The following DENND1B variants were observed in gnomAD, a reference collection of about 807,000 sequenced individuals.
The protein encoded by DENND1B is DENN domain-containing protein 1B.
DENND1B carries 59 observed loss-of-function variants against 90.1 expected under a neutral mutation model. That is an observed-to-expected ratio of 0.65 (90% CI 0.53 to 0.81). The LOEUF (loss-of-function observed/expected upper bound fraction) is 0.81, where lower values mean the gene tolerates loss of function less well. Ranked by LOEUF, DENND1B falls within the 40% of genes least tolerant of loss-of-function variation. The pLI is 0.00. For synonymous variants in DENND1B, 337 were observed against 324.6 expected (o/e 1.04, Z -0.41); for missense variants, 862 against 912.6 (o/e 0.94, Z 0.71).
chr1:197,714,647 C>A (rs555849351), intron 3 of DENND1B, among the ~76,000 whole-genome samples: 3 of 152,196 alleles, frequency 2.0e-5, no homozygotes, highest in African/African-American at 7.2e-5. Flanking sequence ...TTATTTATGG[C>A]AGTAACGCTT....
intron 3 of DENND1B, among the ~76,000 whole-genome samples, chr1:197,680,543 C>T (rs1448544213): frequency 6.6e-6 from 1 of 151,900 alleles, no homozygotes; most frequent in African/African-American, 2.4e-5. Context: ...TATGTGCTAT[C>T]GAGAGTAAAG....
At chr1:197,666,941 C>T (rs1654999677) in intron 5 of DENND1B, among the ~76,000 whole-genome samples, 1 of 152,090 alleles carries the variant, frequency 6.6e-6, no homozygotes, top group South Asian at 2.1e-4. Context: ...TGAGACCATC[C>T]TGGCCAACAT....
intron 2 of DENND1B, among the ~76,000 whole-genome samples, chr1:197,770,043 G>A (rs1345138400): frequency 6.6e-6 from 1 of 151,966 alleles, no homozygotes; most frequent in African/African-American, 2.4e-5. Context: ...TATAGTTACT[G>A]ATTATAGTTA....
chr1:197,552,939 A>G (rs956608800), intron 16 of DENND1B, 83 bp downstream of exon 16: 1 of 1,535,044 alleles, frequency 6.5e-7, no homozygotes, highest in Non-Finnish European at 8.7e-7. Context: ...TTGTTTATGA[A>G]ATAGGTTTTA....
intron 15 of DENND1B, among the ~76,000 whole-genome samples, chr1:197,562,278 T>G (rs1353464582): frequency 6.6e-6 from 1 of 151,930 alleles, no homozygotes; most frequent in Non-Finnish European, 1.5e-5. Flanking sequence ...CATATCTCAT[T>G]TAATTGAACT....
chr1:197,746,970 A>G, intron 2 of DENND1B: 1 of 1,115,626 alleles, frequency 9.0e-7, no homozygotes, highest in East Asian at 2.4e-5. Flanking sequence ...ACCCCTCCAC[A>G]GCCTGGTCTA....
At chr1:197,540,917 A>G in intron 19 of DENND1B, 42 bp downstream of exon 19, 3 of 1,560,530 alleles carry the variant, frequency 1.9e-6, no homozygotes, top group Non-Finnish European at 2.6e-6. Flanking sequence ...TCAAACTAAT[A>G]CAAGAATCAA....
At chr1:197,679,810 T>G (rs1305037557) in intron 3 of DENND1B, among the ~76,000 whole-genome samples, 10 of 22,984 alleles carry the variant, frequency 4.4e-4, no homozygotes, top group African/African-American at 7.7e-4. Context: ...CAAGGGTTGT[T>G]TTTTTTTTTT....
At chr1:197,592,204 A>T (rs1258545725) in intron 14 of DENND1B, among the ~76,000 whole-genome samples, 2 of 151,984 alleles carry the variant, frequency 1.3e-5, no homozygotes. Context: ...TGAAAAAAAC[A>T]GATTCAAACC....
intron 2 of DENND1B, among the ~76,000 whole-genome samples, chr1:197,739,367 C>A (rs866706761): frequency 6.6e-6 from 1 of 152,086 alleles, no homozygotes; most frequent in Admixed American, 6.6e-5. Context: ...GGGACATATA[C>A]GAGAAGAAAT....
chr1:197,588,889 A>G (rs1483580394), intron 14 of DENND1B, among the ~76,000 whole-genome samples: 1 of 152,134 alleles, frequency 6.6e-6, no homozygotes, highest in Non-Finnish European at 1.5e-5. Flanking sequence ...ATAAAGTTTA[A>G]TCATCAGCAT....
intron 2 of DENND1B, among the ~76,000 whole-genome samples, chr1:197,743,327 T>C (rs755404054): frequency 6.6e-6 from 1 of 152,182 alleles, no homozygotes; most frequent in African/African-American, 2.4e-5. Flanking sequence ...GGTTTCCTAG[T>C]GCATATAAAA....
chr1:197,602,389 T>C (rs1249965386), intron 13 of DENND1B, among the ~76,000 whole-genome samples: 1 of 151,468 alleles, frequency 6.6e-6, no homozygotes, highest in Non-Finnish European at 1.5e-5. Flanking sequence ...TGACTATACT[T>C]TTCCAAGGGC....
At chr1:197,773,090 T>A (rs1656825574) in intron 1 of DENND1B, 158 bp from the exon 2 acceptor site, 5 of 687,980 alleles carry the variant, frequency 7.3e-6, no homozygotes, top group Non-Finnish European at 1.0e-5. Flanking sequence ...AACTGTTTTC[T>A]CAATTGAGCA....
intron 3 of DENND1B, among the ~76,000 whole-genome samples, chr1:197,698,562 T>A: frequency 6.8e-6 from 1 of 146,558 alleles, no homozygotes; most frequent in Admixed American, 6.9e-5. Context: ...ATAACTAAGA[T>A]CAGAGAAGAA....
chr1:197,661,555 G>A (rs1654409305), intron 5 of DENND1B, among the ~76,000 whole-genome samples: 2 of 152,036 alleles, frequency 1.3e-5, no homozygotes. Context: ...TTTAGATAAA[G>A]CAAAATGTAT....
At chr1:197,700,275 A>C (rs1441796459) in intron 3 of DENND1B, among the ~76,000 whole-genome samples, 2 of 152,160 alleles carry the variant, frequency 1.3e-5, no homozygotes, top group Non-Finnish European at 2.9e-5. Context: ...ACAAACATAT[A>C]GACCAATGGA....
At chr1:197,672,268 T>C (rs1007186021) in intron 4 of DENND1B, 112 bp from the exon 5 acceptor site, 28 of 1,296,984 alleles carry the variant, frequency 2.2e-5, no homozygotes, top group Middle Eastern at 4.0e-4. Context: ...TTCTAATCAG[T>C]TGGTTCTTGA....
rs548381231 is a variant in DENND1B, at chr1:197,573,143, G to T, written c.1149+10009C>A. ...GTTTTTTTGGTCTCTATTTCCTTCA[G>T]TTCTGCCCTGATTTTAGTTGTTTCT... is the stretch of plus-strand genomic sequence containing the variant. On this transcript the variant is annotated intron_variant, in intron 15 of 22. Coordinates refer to ENST00000620048, the MANE Select transcript of DENND1B (RefSeq NM_001195215.2). Among the ~76,000 whole-genome samples the T allele has an allele frequency of 2.0e-5, 3 of 152,122 alleles. No homozygotes were observed. In the East Asian group the frequency reaches 5.8e-4, roughly 29 times the overall value.
Sources: gnomAD v4.1 joint callset for allele counts (sites outside exome capture counted in the v4.1 genomes callset) on GRCh38, gnomAD v4.1.1 for gene constraint, MANE v1.5 for transcripts, NCBI Gene and HGNC (gene_info 2026-07-23, HGNC 2026-07-21) for gene names.